TSPAN2: variants seen among roughly 807,000 people sequenced by gnomAD.
TSPAN2 encodes the protein tetraspanin-2.
Under a neutral mutation model 33.3 loss-of-function variants are expected in TSPAN2, and 24 were observed. The observed-to-expected ratio is 0.72, with a 90% CI of 0.52 to 1.01. The LOEUF is 1.01. Among genes scored for constraint, TSPAN2 ranks in the 50% least tolerant of loss-of-function variants. The pLI is 0.00. For missense variants in TSPAN2, 278 were observed against 281.3 expected (o/e 0.99, Z 0.08); for synonymous variants, 114 against 104.5 (o/e 1.09, Z -0.56).
Position 115,081,481 on chromosome 1 carries a change from A to G in TSPAN2, c.69+7883T>C, listed in dbSNP as rs371328356. 7.2e-5 allele frequency among the ~76,000 whole-genome samples: 11 copies of G among 152,286 alleles called. No individual in the cohort carries two copies. In the South Asian group the frequency reaches 1.9e-3, roughly 26 times the overall value. On this transcript the variant is annotated intron_variant, in intron 1 of 7. Coordinates refer to ENST00000369516, the MANE Select transcript of TSPAN2 (RefSeq NM_005725.6). ...CCTCTTCTGGGTGTTCAGAATATAT[A>G]ATGATGCCCTTAGGGTAATAAACAC...
intron 7 of TSPAN2, among the ~76,000 whole-genome samples, chr1:115,051,097 C>T (rs985766682): frequency 1.3e-5 from 2 of 152,074 alleles, no homozygotes; most frequent in Non-Finnish European, 2.9e-5. Flanking sequence ...ATCGCTTGAG[C>T]TCAGGAGTTC....
chr1:115,053,297 C>A, intron 7 of TSPAN2, 82 bp downstream of exon 7: 1 of 1,227,356 alleles, frequency 8.1e-7, no homozygotes, highest in Non-Finnish European at 1.2e-6. Flanking sequence ...TCTTAAGATA[C>A]TATCACACTT....
intron 5 of TSPAN2, among the ~76,000 whole-genome samples, chr1:115,058,068 T>C (rs920338658): frequency 6.6e-6 from 1 of 152,174 alleles, no homozygotes; most frequent in African/African-American, 2.4e-5. Flanking sequence ...GATTTGAAGA[T>C]TGGCCAGCAA....
At chr1:115,060,181 G>T (rs1220587433) in intron 4 of TSPAN2, among the ~76,000 whole-genome samples, 1 of 152,058 alleles carries the variant, frequency 6.6e-6, no homozygotes, top group Admixed American at 6.5e-5. Context: ...TTCACAATGG[G>T]GAAGAATCTT....
intron 2 of TSPAN2, among the ~76,000 whole-genome samples, chr1:115,062,705 G>A (rs1195528989): frequency 6.6e-6 from 1 of 152,228 alleles, no homozygotes; most frequent in Non-Finnish European, 1.5e-5. Context: ...TTGGAATCAT[G>A]TTAATGGTCT....
intron 1 of TSPAN2, among the ~76,000 whole-genome samples, chr1:115,087,174 C>T (rs1415394337): frequency 6.6e-6 from 1 of 151,928 alleles, no homozygotes; most frequent in Non-Finnish European, 1.5e-5. Flanking sequence ...CTGCCTTGGC[C>T]TCCTAAAGTG....
chr1:115,059,375 G>A (rs57464186), intron 4 of TSPAN2, among the ~76,000 whole-genome samples: 1,992 of 152,294 alleles, frequency 0.013, 40 homozygotes, highest in African/African-American at 0.045. Flanking sequence ...ATGCTTTTGA[G>A]GATGGAAGGA....
chr1:115,082,998 C>T (rs923704140), intron 1 of TSPAN2, among the ~76,000 whole-genome samples: 9 of 152,150 alleles, frequency 5.9e-5, no homozygotes, highest in East Asian at 1.9e-4. Context: ...GAAAGCACTT[C>T]GTAAACTGAA....
intron 2 of TSPAN2, among the ~76,000 whole-genome samples, chr1:115,069,930 G>C: frequency 6.6e-6 from 1 of 152,076 alleles, no homozygotes; most frequent in East Asian, 1.9e-4. Context: ...TGACATGAAG[G>C]AGAGCTCACT....
Position 115,072,923 on chromosome 1 carries a change from G to C in TSPAN2, c.154C>G (p.Pro52Ala). The change falls in exon 2 of 8, where the codon CCA becomes GCA. Residue 52 changes from proline (P) to alanine (A), a missense_variant. Coordinates refer to ENST00000369516, the MANE Select transcript of TSPAN2 (RefSeq NM_005725.6). The stretch of plus-strand genomic sequence containing the variant: ...CACTCACCCACATAGAAATACTCTG[G>C]GGACTTGTCCTCTGATGATAACTCC... ...IKELSSEDKS[P>A]EYFYVGLYVL... is the part of the protein sequence containing the mutation. The C allele has an allele frequency of 6.2e-7, 1 of 1,613,854 alleles. No homozygotes were observed. The highest frequency in any genetic ancestry group is 8.5e-7 in the Non-Finnish European group (1 of 1,179,754).
At position 115,050,091 on chromosome 1, in the gene TSPAN2, G is replaced by A. The variant is rs1295169454; in HGVS notation, c.*399C>T. On this transcript the variant is annotated 3_prime_UTR_variant, in exon 8 of 8. Coordinates refer to ENST00000369516, the MANE Select transcript of TSPAN2 (RefSeq NM_005725.6). ...AATTCTCTGCATCTAATTTTCAATG[G>A]CTACAGTCTGAGAAACTGACCCATT... 1 of 231,710 alleles carries A rather than the reference G, an allele frequency of 4.3e-6. No homozygotes were observed. Among genetic ancestry groups the A allele is most frequent in the Non-Finnish European group, 8.5e-6 (1 of 117,628 alleles). The allele number at this position is 231,710 out of a possible 1,614,324, so 14.4% of individuals were successfully genotyped here.
chr1:115,067,757 C>A (rs193232841), intron 2 of TSPAN2, among the ~76,000 whole-genome samples: 10 of 152,270 alleles, frequency 6.6e-5, no homozygotes, highest in African/African-American at 1.9e-4. Flanking sequence ...GTGTGGGCAA[C>A]CCCTTCTTGG....
chr1:115,087,928 TA>T lies in TSPAN2; in HGVS notation c.69+1435del, dbSNP rs539415917. On this transcript the variant is annotated intron_variant, in intron 1 of 7. Transcript: ENST00000369516. Reference sequence around the variant, plus strand: ...CAGCTTAAGAATTCCTCCTCAGGCTTAAAACTTCATAAGGCTTTGAATTCAT... The same window carrying T: ...CAGCTTAAGAATTCCTCCTCAGGCTTAAACTTCATAAGGCTTTGAATTCAT... Among the ~76,000 whole-genome samples the T allele has an allele frequency of 1.2e-4, 19 of 152,308 alleles. No homozygotes were observed. In the South Asian group the frequency reaches 3.5e-3, roughly 28 times the overall value.
intron 3 of TSPAN2, among the ~76,000 whole-genome samples, 199 bp from the exon 4 acceptor site, chr1:115,060,737 G>C (rs1184749443): frequency 1.3e-5 from 2 of 152,192 alleles, no homozygotes; most frequent in African/African-American, 4.8e-5. Context: ...TGGTGAACAA[G>C]ATAATATCCA....
chr1:115,082,734 A>C (rs1350020806), intron 1 of TSPAN2, among the ~76,000 whole-genome samples: 1 of 152,180 alleles, frequency 6.6e-6, no homozygotes, highest in Non-Finnish European at 1.5e-5. Flanking sequence ...ATGCATCAAG[A>C]CTAAATCTGA....
At chr1:115,054,715 C>T (rs914544021) in intron 6 of TSPAN2, among the ~76,000 whole-genome samples, 17 of 152,072 alleles carry the variant, frequency 1.1e-4, no homozygotes, top group African/African-American at 3.6e-4. Context: ...TGGCTGGGCG[C>T]GGTGGCTCAA....
intron 2 of TSPAN2, among the ~76,000 whole-genome samples, chr1:115,062,722 C>A (rs1038279265): frequency 6.6e-6 from 1 of 152,208 alleles, no homozygotes; most frequent in African/African-American, 2.4e-5. Flanking sequence ...GTCTCTATTT[C>A]ATTTTTTGCA....
Position 115,081,817 on chromosome 1 carries a change from C to T in TSPAN2, c.69+7547G>A, listed in dbSNP as rs559991923. Among the ~76,000 whole-genome samples, 170 of 152,268 alleles carry T rather than the reference C, an allele frequency of 1.1e-3. 1 individual carries two copies. Among genetic ancestry groups the T allele is most frequent in the Middle Eastern group, 3.4e-3 (1 of 292 alleles). ...ATCTTCAAGATAGGAAACATCGCTC[C>T]CATGGTTCCAATAATGTGGTTTGCT... On this transcript the variant is annotated intron_variant, in intron 1 of 7. Coordinates refer to ENST00000369516, the MANE Select transcript of TSPAN2 (RefSeq NM_005725.6).
chr1:115,064,576 C>G (rs1647865683), intron 2 of TSPAN2, among the ~76,000 whole-genome samples: 1 of 152,206 alleles, frequency 6.6e-6, no homozygotes. Flanking sequence ...TTCAAGTTGA[C>G]AAACCTTATT....
Sources: gnomAD v4.1 joint callset for allele counts (sites outside exome capture counted in the v4.1 genomes callset) on GRCh38, gnomAD v4.1.1 for gene constraint, MANE v1.5 for transcripts, NCBI Gene and HGNC (gene_info 2026-07-23, HGNC 2026-07-21) for gene names.